ASF1B: variants seen among roughly 807,000 people sequenced by gnomAD.
ASF1B encodes the protein anti-silencing function 1B histone chaperone, also known as histone chaperone ASF1B.
A neutral mutation model predicts 16.6 loss-of-function variants in ASF1B; 10 were observed. That is an observed-to-expected ratio of 0.60 (90% CI 0.37 to 1.02). ASF1B has a LOEUF of 1.02. ASF1B is among the 50% of genes least tolerant of loss of function. The pLI is 0.01. For synonymous variants in ASF1B, 101 were observed against 106.2 expected (o/e 0.95, Z 0.30); for missense variants, 240 against 266.0 (o/e 0.90, Z 0.68).
intron 2 of ASF1B, among the ~76,000 whole-genome samples, chr19:14,124,682 C>G (rs949011985): frequency 1.3e-5 from 2 of 152,180 alleles, no homozygotes; most frequent in African/African-American, 2.4e-5. Flanking sequence ...CACGCCTGTT[C>G]CCACCTGAGG....
intron 1 of ASF1B, among the ~76,000 whole-genome samples, chr19:14,134,681 G>A (rs1253628370): frequency 2.0e-5 from 3 of 152,246 alleles, no homozygotes; most frequent in Middle Eastern, 3.4e-3. Flanking sequence ...GGTCTTTTGC[G>A]TTTTGTGGCT....
intron 1 of ASF1B, among the ~76,000 whole-genome samples, chr19:14,135,508 AG>A (rs34637966): frequency 6.6e-6 from 1 of 152,128 alleles, no homozygotes; most frequent in Non-Finnish European, 1.5e-5. Context: ...ACCAGGTTCC[AG>A]GGTATGTGCA....
chr19:14,120,771 T>C, intron 3 of ASF1B, 106 bp from the exon 4 acceptor site: 2 of 920,840 alleles, frequency 2.2e-6, no homozygotes, highest in Non-Finnish European at 3.4e-6. Context: ...AAGAGCAACC[T>C]ACATATGGAA....
chr19:14,132,812 C>T (rs1967425559), intron 1 of ASF1B, among the ~76,000 whole-genome samples: 1 of 151,978 alleles, frequency 6.6e-6, no homozygotes, highest in African/African-American at 2.4e-5. Flanking sequence ...AGTGAGATTC[C>T]ATTTCTAATA....
At chr19:14,134,939 G>A (rs1967463920) in intron 1 of ASF1B, among the ~76,000 whole-genome samples, 1 of 151,440 alleles carries the variant, frequency 6.6e-6, no homozygotes, top group African/African-American at 2.4e-5. Flanking sequence ...AAAAAAAGAA[G>A]AAGACGGGGC....
At chr19:14,122,457 C>T (rs888323559) in intron 2 of ASF1B, among the ~76,000 whole-genome samples, 1 of 151,922 alleles carries the variant, frequency 6.6e-6, no homozygotes, top group African/African-American at 2.4e-5. Flanking sequence ...CCTTGAACTC[C>T]TGGGCTCAAG....
chr19:14,120,522 C>T lies in ASF1B; in HGVS notation c.546G>A (p.Lys182=). The change falls in exon 4 of 4, where the codon AAG becomes AAA. Residue 182 remains lysine (K), a synonymous_variant. Coordinates refer to ENST00000263382, the MANE Select transcript of ASF1B (RefSeq NM_018154.3). ...GGATGCAGCCAGGGAGCCCCAAGCC[C>T]TTGATAGGAGTGCAGTTGAGTGGGA... ...CGLPLNCTPI[K]GLGLPGCIPG... 1 of 1,613,574 alleles carries T rather than the reference C, an allele frequency of 6.2e-7. No homozygotes were observed. Among genetic ancestry groups the T allele is most frequent in the Non-Finnish European group, 8.5e-7 (1 of 1,179,714 alleles).
chr19:14,123,854 A>T (rs1967279249), intron 2 of ASF1B, among the ~76,000 whole-genome samples: 1 of 149,334 alleles, frequency 6.7e-6, no homozygotes, highest in Admixed American at 6.7e-5. Flanking sequence ...GCAGTGGCGC[A>T]ATCTCAGCTC....
intron 2 of ASF1B, among the ~76,000 whole-genome samples, chr19:14,122,025 G>T (rs1246302316): frequency 6.6e-6 from 1 of 151,670 alleles, no homozygotes. Flanking sequence ...CCGCCTCACG[G>T]GTTCAAGCGA....
intron 1 of ASF1B, among the ~76,000 whole-genome samples, chr19:14,133,011 T>G (rs1967429695): frequency 6.6e-6 from 1 of 151,624 alleles, no homozygotes; most frequent in Non-Finnish European, 1.5e-5. Flanking sequence ...TCCCAGCTAC[T>G]TGGGAGATTG....
chr19:14,120,672 C>G lies in ASF1B; in HGVS notation c.403-7G>C. 3 of 1,613,964 alleles carry G rather than the reference C, an allele frequency of 1.9e-6. No individual in the cohort carries two copies. Among genetic ancestry groups the G allele is most frequent in the East Asian group, 2.2e-5 (1 of 44,882 alleles). On this transcript the variant is annotated splice_polypyrimidine_tract_variant and splice_region_variant and intron_variant, in intron 3 of 3. Transcript: ENST00000263382. ...CCAAGATGTTCCGCTGGAGCTGGGG[C>G]AGGAAGAGGAACGTCAACCCTTGTA...
intron 1 of ASF1B, among the ~76,000 whole-genome samples, chr19:14,129,012 G>A (rs1010859682): frequency 1.3e-5 from 2 of 152,116 alleles, no homozygotes; most frequent in African/African-American, 4.8e-5. Context: ...AATACTAATC[G>A]GCAAAACCTA....
At chr19:14,124,996 T>C (rs1186507331) in intron 2 of ASF1B, among the ~76,000 whole-genome samples, 1 of 152,186 alleles carries the variant, frequency 6.6e-6, no homozygotes, top group African/African-American at 2.4e-5. Context: ...AGACAGAGTA[T>C]CGCTGTATCA....
intron 2 of ASF1B, 54 bp from the exon 3 acceptor site, chr19:14,121,762 A>C: frequency 2.7e-6 from 4 of 1,480,396 alleles, no homozygotes; most frequent in Non-Finnish European, 3.7e-6. Context: ...CCTCGATGTC[A>C]TTAGTACAAA....
intron 1 of ASF1B, among the ~76,000 whole-genome samples, chr19:14,131,215 C>A (rs373173160): frequency 6.9e-6 from 1 of 143,970 alleles, no homozygotes; most frequent in African/African-American, 2.6e-5. Flanking sequence ...AACAGAGTCT[C>A]GCTCTGTCAC....
intron 2 of ASF1B, among the ~76,000 whole-genome samples, chr19:14,124,957 T>G (rs1967296167): frequency 6.6e-6 from 1 of 152,158 alleles, no homozygotes; most frequent in Non-Finnish European, 1.5e-5. Context: ...ACTGTATATA[T>G]TAAATAAGGT....
At chr19:14,124,144 A>G (rs548489199) in intron 2 of ASF1B, among the ~76,000 whole-genome samples, 7 of 152,002 alleles carry the variant, frequency 4.6e-5, no homozygotes, top group African/African-American at 1.4e-4. Flanking sequence ...ACAGGCCTGC[A>G]TCACTATGCC....
At position 14,120,452 on chromosome 19, in the gene ASF1B, C is replaced by T; in HGVS notation, c.*7G>A. 1.2e-6 allele frequency: 2 copies of T among 1,612,154 alleles called. No homozygotes were observed. Among genetic ancestry groups the T allele is most frequent in the Non-Finnish European group, 8.5e-7 (1 of 1,179,198 alleles). ...CCGGCGTGCTGGGACACTCTGGGTT[C>T]CTGCAGTTAGATGCAGTCCATGGAG... On this transcript the variant is annotated 3_prime_UTR_variant, in exon 4 of 4. Coordinates refer to ENST00000263382, the MANE Select transcript of ASF1B (RefSeq NM_018154.3).
At chr19:14,134,916 G>C (rs1967462794) in intron 1 of ASF1B, among the ~76,000 whole-genome samples, 1 of 145,998 alleles carries the variant, frequency 6.8e-6, no homozygotes, top group African/African-American at 2.6e-5. Flanking sequence ...TGATTATCCA[G>C]CTATATTAAA....
Sources: allele counts gnomAD v4.1 joint callset (sites outside exome capture counted in the v4.1 genomes callset), GRCh38; gene constraint gnomAD v4.1.1; transcripts MANE v1.5; gene names NCBI Gene and HGNC (gene_info 2026-07-23, HGNC 2026-07-21).